LIN54: variants seen among roughly 807,000 people sequenced by gnomAD.
LIN54 encodes the protein protein lin-54 homolog.
LIN54 carries 9 observed loss-of-function variants against 78.7 expected under a neutral mutation model. That is an observed-to-expected ratio of 0.11 (90% confidence interval 0.07 to 0.20). The LOEUF (loss-of-function observed/expected upper bound fraction) is 0.20. Among genes scored for constraint, LIN54 ranks in the 10% least tolerant of loss-of-function variants. LIN54 has a pLI of 1.00. For missense variants in LIN54, 573 were observed against 889.9 expected, an observed-to-expected ratio of 0.64 and a Z score of 4.53; for synonymous variants, 269 against 318.4, an observed-to-expected ratio of 0.84 and a Z score of 1.65.
intron 1 of LIN54, among the ~76,000 whole-genome samples, chr4:83,003,801 C>G (rs1400149268): frequency 6.6e-6 from 1 of 152,188 alleles, no homozygotes; most frequent in African/African-American, 2.4e-5. Context: ...GCTGGAATTA[C>G]AGGCATGAGC....
chr4:82,945,995 A>C (rs1723322057), intron 5 of LIN54, among the ~76,000 whole-genome samples: 1 of 152,238 alleles, frequency 6.6e-6, no homozygotes, highest in Non-Finnish European at 1.5e-5. Flanking sequence ...GGCAGGTTTT[A>C]AAACCAGCAA....
chr4:82,974,073 G>C (rs13127052), intron 3 of LIN54, among the ~76,000 whole-genome samples: 4 of 151,918 alleles, frequency 2.6e-5, no homozygotes, highest in African/African-American at 9.7e-5. Flanking sequence ...AGCTGGGTGT[G>C]GTGGCAGGCA....
At chr4:82,995,494 T>C (rs865836062) in intron 1 of LIN54, among the ~76,000 whole-genome samples, 21,069 of 125,242 alleles carry the variant, frequency 0.17, 1,798 homozygotes, top group South Asian at 0.32. Flanking sequence ...TATCTCTTTT[T>C]TTTTTTTTTT....
intron 4 of LIN54, among the ~76,000 whole-genome samples, chr4:82,964,746 G>C (rs562159423): frequency 6.6e-6 from 1 of 152,238 alleles, no homozygotes; most frequent in South Asian, 2.1e-4. Flanking sequence ...AATTTAAAAG[G>C]CCGGTGCAGT....
chr4:82,937,079 C>T, intron 9 of LIN54, 148 bp downstream of exon 9: 1 of 681,316 alleles, frequency 1.5e-6, no homozygotes, highest in Non-Finnish European at 2.7e-6. Context: ...TTTACACTGC[C>T]ATATATGTTC....
At chr4:82,989,506 C>T (rs761580475) in intron 1 of LIN54, among the ~76,000 whole-genome samples, 3 of 152,188 alleles carry the variant, frequency 2.0e-5, no homozygotes, top group African/African-American at 4.8e-5. Flanking sequence ...AGAGTTGAAT[C>T]TGGATACTAC....
intron 11 of LIN54, among the ~76,000 whole-genome samples, chr4:82,933,768 T>C (rs889936396): frequency 6.6e-6 from 1 of 152,238 alleles, no homozygotes; most frequent in Non-Finnish European, 1.5e-5. Context: ...TCTAACACTT[T>C]TAAACCAGTC....
At chr4:82,957,507 T>G (rs1395196849) in intron 4 of LIN54, among the ~76,000 whole-genome samples, 1 of 152,238 alleles carries the variant, frequency 6.6e-6, no homozygotes, top group Non-Finnish European at 1.5e-5. Flanking sequence ...TATGTTTATT[T>G]TCTCTCCATT....
At chr4:82,963,592 T>C (rs1365144817) in intron 4 of LIN54, among the ~76,000 whole-genome samples, 2 of 152,132 alleles carry the variant, frequency 1.3e-5, no homozygotes, top group Non-Finnish European at 2.9e-5. Context: ...AAACACTCTA[T>C]TGTAAGTTTC....
chr4:82,956,487 G>A (rs1166421534), intron 4 of LIN54, among the ~76,000 whole-genome samples: 1 of 151,986 alleles, frequency 6.6e-6, no homozygotes, highest in Non-Finnish European at 1.5e-5. Flanking sequence ...ACCAGCCTGG[G>A]GCAACACAGT....
intron 1 of LIN54, among the ~76,000 whole-genome samples, chr4:83,005,360 G>A (rs1005014527): frequency 3.9e-5 from 6 of 152,112 alleles, no homozygotes; most frequent in Non-Finnish European, 7.4e-5. Flanking sequence ...AACAGGGGCC[G>A]GGCACGGTGG....
intron 3 of LIN54, among the ~76,000 whole-genome samples, 186 bp from the exon 4 acceptor site, chr4:82,970,655 ATACT>A (rs1308582906): frequency 6.6e-6 from 1 of 152,198 alleles, no homozygotes; most frequent in East Asian, 1.9e-4. Context: ...CTTCTTAGTA[ATACT>A]TAATATCAGC....
At chr4:82,947,236 T>TATATA (rs1553949048) in intron 4 of LIN54, among the ~76,000 whole-genome samples, 18 of 4,468 alleles carry the variant, frequency 4.0e-3, no homozygotes, top group Non-Finnish European at 5.5e-3. Flanking sequence ...TATATATATA[T>TATATA]TTTTTTTTTT....
Position 82,937,396 on chromosome 4 carries a change from T to C in LIN54, c.1533-98A>G, listed in dbSNP as rs145051388. On this transcript the variant is annotated intron_variant, in intron 8 of 12. Coordinates refer to ENST00000340417, the MANE Select transcript of LIN54 (RefSeq NM_194282.4). ...AATTTAAAATTTAAAAAATTAGACC[T>C]AAAACTAATTTAAAATTAGAGAAGT... 2,526 of 688,826 alleles carry C rather than the reference T, an allele frequency of 3.7e-3. 52 individuals carry two copies. In the African/African-American group the frequency reaches 0.042, roughly 11 times the overall value. 42.7% of individuals were successfully genotyped at this position (688,826 alleles called of 1,614,324 possible).
At chr4:83,000,827 C>CTTTTTTTCTTTTTTT (rs528409899) in intron 1 of LIN54, among the ~76,000 whole-genome samples, 38,589 of 120,360 alleles carry the variant, frequency 0.32, 8,273 homozygotes, top group East Asian at 0.51. Context: ...GCAATAAATT[C>CTTTTTTTCTTTTTTT]TTTTTTTTTT....
chr4:82,995,493 T>C (rs868747151), intron 1 of LIN54, among the ~76,000 whole-genome samples: 682 of 26,890 alleles, frequency 0.025, 7 homozygotes, highest in Middle Eastern at 0.058. Flanking sequence ...TTATCTCTTT[T>C]TTTTTTTTTT....
Position 82,976,290 on chromosome 4 carries a change from T to C in LIN54, c.808+2593A>G, listed in dbSNP as rs543054039. On this transcript the variant is annotated intron_variant, in intron 3 of 12. Transcript: ENST00000340417. Reference sequence around the variant, plus strand: ...AGGGTATGACAAGTTCAGATTTGCATTTTAGAAAAATCGCTTATACACAAA... The same window carrying C: ...AGGGTATGACAAGTTCAGATTTGCACTTTAGAAAAATCGCTTATACACAAA... 2.6e-4 allele frequency among the ~76,000 whole-genome samples: 40 copies of C among 152,146 alleles called. No homozygotes were observed. The South Asian group carries it at 7.7e-3, about 29-fold the overall frequency.
At chr4:82,986,498 G>A (rs1342099863) in intron 1 of LIN54, among the ~76,000 whole-genome samples, 3 of 151,872 alleles carry the variant, frequency 2.0e-5, no homozygotes, top group African/African-American at 7.3e-5. Context: ...AAGGTCAAGA[G>A]ATGGAGACGA....
At chr4:82,986,079 T>C (rs964476342) in intron 1 of LIN54, among the ~76,000 whole-genome samples, 1 of 152,130 alleles carries the variant, frequency 6.6e-6, no homozygotes, top group Non-Finnish European at 1.5e-5. Flanking sequence ...CCAGAGAACA[T>C]CAAAGATCCA....
Sources: allele counts gnomAD v4.1 joint callset (sites outside exome capture counted in the v4.1 genomes callset), GRCh38; gene constraint gnomAD v4.1.1; transcripts MANE v1.5; gene names NCBI Gene and HGNC (gene_info 2026-07-23, HGNC 2026-07-21).